ENAH: variants seen among roughly 807,000 people sequenced by gnomAD.
ENAH encodes the protein protein enabled homolog.
A neutral mutation model predicts 78.7 loss-of-function variants in ENAH; 23 were observed. That is an observed-to-expected ratio of 0.29 (90% CI 0.21 to 0.41). The LOEUF (loss-of-function observed/expected upper bound fraction) is 0.41. ENAH is among the 10% of genes least tolerant of loss of function. The pLI is 1.00. For missense variants in ENAH, 544 were observed against 691.0 expected, an observed-to-expected ratio of 0.79 and a Z score of 2.39; for synonymous variants, 226 against 241.0, an observed-to-expected ratio of 0.94 and a Z score of 0.58.
intron 10 of ENAH, among the ~76,000 whole-genome samples, chr1:225,510,646 G>GGA (rs2096369278): frequency 6.6e-6 from 1 of 151,354 alleles, no homozygotes; most frequent in African/African-American, 2.4e-5. Context: ...AGGAATGGGG[G>GGA]GAGTGGTGAA....
chr1:225,499,538 A>G lies in ENAH; in HGVS notation c.1618-1134T>C, dbSNP rs369771699. Among the ~76,000 whole-genome samples the G allele has an allele frequency of 1.5e-4, 23 of 152,110 alleles. 1 individual carries two copies. The East Asian group carries it at 2.1e-3, about 14-fold the overall frequency. On this transcript the variant is annotated intron_variant, in intron 12 of 13. Transcript: ENST00000366843. ...ACTACAAAAGTTAGCCGGGCGTGGT[A>G]GTGCACACCTGTAATCCCAGCTACT...
chr1:225,507,804 T>C (rs2096345587), intron 11 of ENAH, 147 bp downstream of exon 11: 1 of 467,672 alleles, frequency 2.1e-6, no homozygotes, highest in Non-Finnish European at 3.7e-6. Flanking sequence ...TAATGAGGCT[T>C]GGTGGTTGTC....
chr1:225,632,902 G>A (rs543074887), intron 1 of ENAH, among the ~76,000 whole-genome samples: 1 of 152,330 alleles, frequency 6.6e-6, no homozygotes, highest in South Asian at 2.1e-4. Flanking sequence ...TCAGGTCTAG[G>A]TGCCACTACT....
intron 1 of ENAH, among the ~76,000 whole-genome samples, chr1:225,588,092 A>C (rs2096856174): frequency 6.6e-6 from 1 of 152,208 alleles, no homozygotes; most frequent in African/African-American, 2.4e-5. Context: ...ACAGGGAAAA[A>C]AGGCAAATTA....
intron 1 of ENAH, 64 bp downstream of exon 1, chr1:225,652,622 G>C: frequency 1.6e-6 from 2 of 1,256,140 alleles, no homozygotes; most frequent in Non-Finnish European, 2.0e-6. Context: ...GGTCCGAGGA[G>C]AACGGGGGTC....
intron 1 of ENAH, among the ~76,000 whole-genome samples, chr1:225,611,302 A>T (rs1333640780): frequency 6.6e-6 from 1 of 151,932 alleles, no homozygotes; most frequent in Non-Finnish European, 1.5e-5. Flanking sequence ...AAAAAAAAAA[A>T]TTTATTTATT....
intron 4 of ENAH, among the ~76,000 whole-genome samples, chr1:225,529,964 A>G (rs1158531424): frequency 6.6e-6 from 1 of 152,182 alleles, no homozygotes; most frequent in Admixed American, 6.5e-5. Context: ...TGGGGCTTCC[A>G]GTGGAACTTT....
At chr1:225,561,008 G>T in intron 2 of ENAH, among the ~76,000 whole-genome samples, 1 of 151,242 alleles carries the variant, frequency 6.6e-6, no homozygotes, top group East Asian at 2.0e-4. Flanking sequence ...GGCCAAGGCG[G>T]GCAGATCACG....
In ENAH at chr1:225,492,459, G is replaced by A. The variant is rs1404958739; in HGVS notation, c.*5316C>T. The A allele has an allele frequency of 6.6e-6, 1 of 152,144 alleles. No homozygotes were observed. Among genetic ancestry groups the A allele is most frequent in the Non-Finnish European group, 1.5e-5 (1 of 68,068 alleles). The allele number at this position is 152,144 out of a possible 1,614,324, so 9.4% of individuals were successfully genotyped here. A position where few individuals can be genotyped will look rare whatever the true frequency, so the allele number is the denominator to read the frequency against. ...TTCTTTTTACTCTCAGCCACCAACTGGGGCCCCTAATTTTCTCCCTCTGCC... is the reference window on the plus strand; with the variant it reads ...TTCTTTTTACTCTCAGCCACCAACTAGGGCCCCTAATTTTCTCCCTCTGCC... On this transcript the variant is annotated 3_prime_UTR_variant, in exon 14 of 14. Transcript: ENST00000366843.
intron 1 of ENAH, among the ~76,000 whole-genome samples, chr1:225,620,355 G>C (rs1293450658): frequency 6.6e-6 from 1 of 151,782 alleles, no homozygotes; most frequent in Non-Finnish European, 1.5e-5. Context: ...GTGAAACCCC[G>C]TATCTACCAA....
chr1:225,573,263 A>C (rs768301080), intron 1 of ENAH, among the ~76,000 whole-genome samples: 1 of 152,226 alleles, frequency 6.6e-6, no homozygotes, highest in Non-Finnish European at 1.5e-5. Flanking sequence ...TGTAGCACAC[A>C]GTAGGCACTC....
Position 225,653,086 on chromosome 1 carries a change from G to A in ENAH, c.-396C>T, listed in dbSNP as rs1342774185. 1 of 153,936 alleles carries A rather than the reference G, an allele frequency of 6.5e-6. No individual in the cohort carries two copies. Among genetic ancestry groups the A allele is most frequent in the Admixed American group, 6.6e-5 (1 of 15,228 alleles). 9.5% of individuals were successfully genotyped at this position (153,936 alleles called of 1,614,324 possible). A position where few individuals can be genotyped will look rare whatever the true frequency, so the allele number is the denominator to read the frequency against. ...CTCGCCGCGCCGCCGCCGAGGCCGT[G>A]TGCAACCGGCAGCTGCTGCAGCCGC... On this transcript the variant is annotated 5_prime_UTR_variant, in exon 1 of 14. Coordinates refer to ENST00000366843, the MANE Select transcript of ENAH (RefSeq NM_018212.6). This position sits in a 1 kb window ranked among gnomAD's most constrained non-coding sequence, Gnocchi z 4.3.
chr1:225,532,164 ACT>A (rs1165819967), intron 3 of ENAH, among the ~76,000 whole-genome samples: 1 of 151,954 alleles, frequency 6.6e-6, no homozygotes, highest in Non-Finnish European at 1.5e-5. Flanking sequence ...GTAAAAACAG[ACT>A]CTCCTATTAG....
At chr1:225,579,284 C>A (rs894387788) in intron 1 of ENAH, among the ~76,000 whole-genome samples, 3 of 152,196 alleles carry the variant, frequency 2.0e-5, no homozygotes, top group African/African-American at 4.8e-5. Context: ...ATTATTTCCA[C>A]ATTATACTTC....
chr1:225,508,943 A>C (rs898078805), intron 10 of ENAH, among the ~76,000 whole-genome samples: 37 of 152,254 alleles, frequency 2.4e-4, no homozygotes, highest in African/African-American at 8.2e-4. Flanking sequence ...TTAACGCAAA[A>C]ATAAACTCAC....
chr1:225,508,289 G>A (rs1387474485), intron 10 of ENAH: 2 of 206,878 alleles, frequency 9.7e-6, no homozygotes, highest in Non-Finnish European at 1.9e-5. Flanking sequence ...ATAACCTTAG[G>A]ATAGTAAGGA....
At chr1:225,537,143 A>AT (rs1437161191) in intron 3 of ENAH, among the ~76,000 whole-genome samples, 1 of 152,152 alleles carries the variant, frequency 6.6e-6, no homozygotes, top group Admixed American at 6.5e-5. Flanking sequence ...AAAAAAACCC[A>AT]TAAGGACAAT....
At chr1:225,532,915 C>T (rs1324168370) in intron 3 of ENAH, among the ~76,000 whole-genome samples, 3 of 151,984 alleles carry the variant, frequency 2.0e-5, no homozygotes, top group Non-Finnish European at 4.4e-5. Flanking sequence ...TAGAACAACT[C>T]TTAACAATTC....
chr1:225,599,041 G>A (rs2096916835), intron 1 of ENAH, among the ~76,000 whole-genome samples: 1 of 152,112 alleles, frequency 6.6e-6, no homozygotes, highest in Admixed American at 6.5e-5. Context: ...CTGCCATCAG[G>A]TGCCTCCAGA....
Sources: allele counts gnomAD v4.1 joint callset (sites outside exome capture counted in the v4.1 genomes callset), GRCh38; gene constraint gnomAD v4.1.1; non-coding constraint Gnocchi (gnomAD v3.1); transcripts MANE v1.5; gene names NCBI Gene and HGNC (gene_info 2026-07-23, HGNC 2026-07-21).